Variants in IQSEC1 observed in about 807,000 individuals in gnomAD.
IQSEC1 encodes the protein IQ motif and SEC7 domain-containing protein 1.
Under a neutral mutation model 91.0 loss-of-function variants are expected in IQSEC1, and 31 were observed. The ratio of observed to expected loss-of-function variants is 0.34; its 90% confidence interval spans 0.26 to 0.46. IQSEC1 has a LOEUF of 0.46. Ranked by LOEUF, IQSEC1 falls within the 20% of genes least tolerant of loss-of-function variation. IQSEC1 has a pLI of 1.00. For missense variants in IQSEC1, 1,388 were observed against 1,575.6 expected, an observed-to-expected ratio of 0.88 and a Z score of 2.02; for synonymous variants, 699 against 662.6, an observed-to-expected ratio of 1.05 and a Z score of -0.84.
intron 2 of IQSEC1, among the ~76,000 whole-genome samples, chr3:13,092,013 A>G (rs4309710): frequency 0.56 from 84,742 of 151,788 alleles, 24,267 homozygotes; most frequent in African/African-American, 0.69. Context: ...AGGCAGTTCT[A>G]AGGGCCTGTG....
intron 1 of IQSEC1, among the ~76,000 whole-genome samples, chr3:13,065,692 T>C (rs1006374821): frequency 1.3e-5 from 2 of 152,152 alleles, no homozygotes; most frequent in African/African-American, 4.8e-5. Context: ...TTCAAAACAG[T>C]CAGCATCCAA....
chr3:12,964,819 ACACACAGATG>A (rs1700458858), intron 1 of IQSEC1, among the ~76,000 whole-genome samples: 1 of 152,244 alleles, frequency 6.6e-6, no homozygotes, highest in African/African-American at 2.4e-5. Context: ...AACCGTATGC[ACACACAGATG>A]CACACACATG....
intron 1 of IQSEC1, among the ~76,000 whole-genome samples, chr3:13,190,285 G>A (rs1281216646): frequency 2.0e-5 from 3 of 152,188 alleles, no homozygotes; most frequent in African/African-American, 4.8e-5. Context: ...CCATGAGTGC[G>A]AGTGGGGCCC....
At position 13,165,911 on chromosome 3, in the gene IQSEC1, C is replaced by T. The variant is rs566557083; in HGVS notation, c.273-1778G>A. The stretch of plus-strand genomic sequence containing the variant: ...ACAGGGTGCAACCGGGCCCCGCTTA[C>T]GGACATGCCTGAGTAGGCAGCTCCT... On this transcript the variant is annotated intron_variant, in intron 1 of 15. Coordinates refer to the IQSEC1 transcript ENST00000648114. 1.1e-3 allele frequency among the ~76,000 whole-genome samples: 165 copies of T among 152,290 alleles called. 1 individual carries two copies. The highest frequency in any genetic ancestry group is 3.7e-3 in the African/African-American group (155 of 41,548).
At chr3:13,074,834 T>C (rs1037674693), upstream of IQSEC1, among the ~76,000 whole-genome samples, 9 of 152,248 alleles carry the variant, frequency 5.9e-5, no homozygotes, top group Non-Finnish European at 1.3e-4. Flanking sequence ...TGCTGCATCC[T>C]TGAGTTCCAT....
intron 4 of IQSEC1, among the ~76,000 whole-genome samples, chr3:12,923,030 G>A (rs775935165): frequency 7.2e-5 from 11 of 152,136 alleles, no homozygotes; most frequent in Non-Finnish European, 1.5e-4. Context: ...ACATGGGGGC[G>A]ATGCAGCTGC....
intron 1 of IQSEC1, among the ~76,000 whole-genome samples, chr3:12,957,430 C>G (rs965655457): frequency 2.6e-5 from 4 of 152,242 alleles, no homozygotes; most frequent in Non-Finnish European, 5.9e-5. Flanking sequence ...AATATACACA[C>G]GCACAGAGCC....
At chr3:13,249,485 T>C (rs1311340991) in intron 1 of IQSEC1, among the ~76,000 whole-genome samples, 3 of 152,158 alleles carry the variant, frequency 2.0e-5, no homozygotes, top group East Asian at 3.9e-4. Context: ...TGGGGGAATT[T>C]CTTATGGCTT....
At chr3:13,179,395 A>G (rs1269431769) in intron 1 of IQSEC1, among the ~76,000 whole-genome samples, 1 of 152,272 alleles carries the variant, frequency 6.6e-6, no homozygotes, top group African/African-American at 2.4e-5. Context: ...CAGATTACTC[A>G]TAAAAATTAT....
At chr3:13,097,274 C>T (rs1705981673) in intron 2 of IQSEC1, among the ~76,000 whole-genome samples, 1 of 152,230 alleles carries the variant, frequency 6.6e-6, no homozygotes, top group Non-Finnish European at 1.5e-5. Flanking sequence ...TACCTTGCCT[C>T]CCACACGATT....
chr3:13,051,835 C>G (rs1704702489), intron 1 of IQSEC1, among the ~76,000 whole-genome samples: 1 of 152,036 alleles, frequency 6.6e-6, no homozygotes, highest in Admixed American at 6.5e-5. Flanking sequence ...GGGTAAACAC[C>G]CTGGGGTGCT....
chr3:13,189,967 G>A (rs907078296), intron 1 of IQSEC1, among the ~76,000 whole-genome samples: 7 of 152,184 alleles, frequency 4.6e-5, no homozygotes, highest in Non-Finnish European at 7.4e-5. Context: ...TCCCAGAGCC[G>A]TCATGCCTGG....
At chr3:12,942,232 T>C (rs1698817260) in intron 1 of IQSEC1, among the ~76,000 whole-genome samples, 2 of 152,216 alleles carry the variant, frequency 1.3e-5, no homozygotes, top group Non-Finnish European at 2.9e-5. Context: ...ACACAGCAGG[T>C]GCTCAGCAAT....
chr3:13,182,568 G>T (rs1693863054), intron 1 of IQSEC1, among the ~76,000 whole-genome samples: 1 of 152,164 alleles, frequency 6.6e-6, no homozygotes, highest in Non-Finnish European at 1.5e-5. Flanking sequence ...TGGATAGATG[G>T]CTAGAGAGAT....
At chr3:13,155,635 T>C (rs1707074404) in intron 2 of IQSEC1, among the ~76,000 whole-genome samples, 1 of 152,212 alleles carries the variant, frequency 6.6e-6, no homozygotes. Context: ...GAGGCCAGCA[T>C]TGTCTTGTAC....
intron 2 of IQSEC1, among the ~76,000 whole-genome samples, chr3:13,131,478 CTTTTTTTTTTTTT>C (rs61345195): frequency 2.4e-5 from 2 of 81,706 alleles, no homozygotes; most frequent in South Asian, 5.1e-4. Context: ...AAATCTATGT[CTTTTTTTTTTTTT>C]TTTTTTTTTT....
Position 13,039,990 on chromosome 3 carries a change from G to A in IQSEC1, c.23+33002C>T, listed in dbSNP as rs1318210932. 2.6e-5 allele frequency among the ~76,000 whole-genome samples: 4 copies of A among 152,348 alleles called. 1 individual carries two copies. In the South Asian group the frequency reaches 6.2e-4, roughly 24 times the overall value. ...TTCACCTGGAAAATGGAAGAATCAT[G>A]ACTCCACTTCGTGGCATTAGCGCGC... is the stretch of plus-strand genomic sequence containing the variant. On this transcript the variant is annotated intron_variant, in intron 1 of 13. Coordinates refer to ENST00000613206, the MANE Select transcript of IQSEC1 (RefSeq NM_001134382.3).
intron 2 of IQSEC1, among the ~76,000 whole-genome samples, chr3:13,085,381 G>A (rs538377075): frequency 2.0e-5 from 3 of 152,302 alleles, no homozygotes; most frequent in South Asian, 2.1e-4. Context: ...AACTGTGCAA[G>A]CAGAGGGGTC....
chr3:13,219,404 C>A (rs1007626502), intron 1 of IQSEC1, among the ~76,000 whole-genome samples: 10 of 152,212 alleles, frequency 6.6e-5, no homozygotes, highest in Admixed American at 3.3e-4. Flanking sequence ...CACAGCCCCC[C>A]AGGGAGCTCC....
Sources: allele counts gnomAD v4.1 joint callset (sites outside exome capture counted in the v4.1 genomes callset), GRCh38; gene constraint gnomAD v4.1.1; transcripts MANE v1.5; gene names NCBI Gene and HGNC (gene_info 2026-07-23, HGNC 2026-07-21).